NRG3: variants seen among roughly 807,000 people sequenced by gnomAD.
NRG3 encodes pro-neuregulin-3, membrane-bound isoform.
NRG3 carries 31 observed loss-of-function variants against 66.9 expected under a neutral mutation model. That is an observed-to-expected ratio of 0.46 (90% confidence interval 0.35 to 0.63). The LOEUF is 0.63. Ranked by LOEUF, NRG3 falls within the 20% of genes least tolerant of loss-of-function variation. NRG3 has a pLI of 0.00. For missense variants in NRG3, 910 were observed against 878.9 expected, an observed-to-expected ratio of 1.04 and a Z score of -0.45; for synonymous variants, 393 against 359.4, an observed-to-expected ratio of 1.09 and a Z score of -1.06.
intron 2 of NRG3, among the ~76,000 whole-genome samples, chr10:82,521,336 G>T (rs950286408): frequency 6.6e-6 from 1 of 151,968 alleles, no homozygotes; most frequent in Non-Finnish European, 1.5e-5. Flanking sequence ...GAAAGTTGGG[G>T]TGATTACGGA....
At chr10:82,562,226 C>A (rs983134348) in intron 2 of NRG3, among the ~76,000 whole-genome samples, 4 of 152,146 alleles carry the variant, frequency 2.6e-5, no homozygotes, top group Non-Finnish European at 5.9e-5. Context: ...TCTTCGTCTT[C>A]ATCATAGTTT....
intron 4 of NRG3, among the ~76,000 whole-genome samples, chr10:82,888,372 G>A (rs1210125155): frequency 3.3e-5 from 5 of 152,160 alleles, no homozygotes; most frequent in African/African-American, 9.7e-5. Context: ...AGAAAATAAA[G>A]CATTTGTTTT....
intron 1 of NRG3, among the ~76,000 whole-genome samples, chr10:82,099,806 TAAAACAAAAACA>T (rs939268228): frequency 9.9e-5 from 15 of 151,186 alleles, no homozygotes; most frequent in African/African-American, 3.7e-4. Context: ...TACAAAAATG[TAAAACAAAAACA>T]AAAACAAAAA....
intron 3 of NRG3, among the ~76,000 whole-genome samples, chr10:82,789,822 C>T (rs895660701): frequency 6.8e-6 from 1 of 146,582 alleles, no homozygotes; most frequent in African/African-American, 2.5e-5. Context: ...TTTTAATTCC[C>T]TTTTTTTTTT....
chr10:82,793,044 T>C (rs2060654482), intron 3 of NRG3, among the ~76,000 whole-genome samples: 1 of 152,102 alleles, frequency 6.6e-6, no homozygotes, highest in South Asian at 2.1e-4. Flanking sequence ...TCTTTTTTTA[T>C]TTTTAACAAT....
At chr10:82,127,814 G>A (rs563034655) in intron 1 of NRG3, among the ~76,000 whole-genome samples, 1 of 152,018 alleles carries the variant, frequency 6.6e-6, no homozygotes, top group South Asian at 2.1e-4. Context: ...ACATAGTGGG[G>A]CATCCCCACC....
chr10:82,278,432 C>A (rs1453192734), intron 1 of NRG3, among the ~76,000 whole-genome samples: 1 of 151,944 alleles, frequency 6.6e-6, no homozygotes, highest in South Asian at 2.1e-4. Flanking sequence ...ATTAGTGATA[C>A]CTGGTAGCTG....
chr10:82,190,947 G>T (rs1353953881), intron 1 of NRG3, among the ~76,000 whole-genome samples: 2 of 152,102 alleles, frequency 1.3e-5, no homozygotes, highest in Non-Finnish European at 2.9e-5. Context: ...TGTCTTTTCT[G>T]TTGTATGCTT....
intron 1 of NRG3, among the ~76,000 whole-genome samples, chr10:82,356,508 CTG>C (rs1162410045): frequency 6.6e-6 from 1 of 152,186 alleles, no homozygotes; most frequent in Non-Finnish European, 1.5e-5. Flanking sequence ...TTCTGTGTGA[CTG>C]TTTATCACGT....
chr10:82,964,166 G>T (rs1304162818), intron 6 of NRG3, among the ~76,000 whole-genome samples: 4 of 152,136 alleles, frequency 2.6e-5, no homozygotes, highest in Non-Finnish European at 4.4e-5. Flanking sequence ...TTAAGGAACA[G>T]GCATGTGATG....
chr10:82,402,672 C>T (rs2087198557), intron 2 of NRG3, among the ~76,000 whole-genome samples: 1 of 152,124 alleles, frequency 6.6e-6, no homozygotes, highest in Non-Finnish European at 1.5e-5. Context: ...ATAATATCCT[C>T]TTTTACCTAA....
intron 2 of NRG3, among the ~76,000 whole-genome samples, chr10:82,707,489 C>G (rs1565223748): frequency 1.3e-5 from 2 of 151,754 alleles, no homozygotes; most frequent in African/African-American, 2.4e-5. Flanking sequence ...CCTCCTGCCT[C>G]AGGAGGCAAG....
chr10:82,407,777 T>C (rs1471342206), intron 2 of NRG3, among the ~76,000 whole-genome samples: 2 of 151,874 alleles, frequency 1.3e-5, no homozygotes, highest in African/African-American at 4.8e-5. Context: ...CATGTTAAAA[T>C]AGAAAAATAT....
At chr10:82,617,868 G>GTA (rs1470461668) in intron 2 of NRG3, among the ~76,000 whole-genome samples, 1 of 152,156 alleles carries the variant, frequency 6.6e-6, no homozygotes, top group Admixed American at 6.5e-5. Context: ...AATGTGCTGT[G>GTA]AAGATTCCTT....
rs139143020 is a variant in NRG3 at position 82,781,991 on chromosome 10, G to A, written c.1027+43341G>A. 2.0e-5 allele frequency among the ~76,000 whole-genome samples: 3 copies of A among 152,074 alleles called. No homozygotes were observed. The East Asian group carries it at 5.8e-4, about 29-fold the overall frequency. ...CCACTCGTCCAGTGTATCTTTTTGT[G>A]CTCCCAAGAAACCATTGAGAAGCAC... On this transcript the variant is annotated intron_variant, in intron 3 of 8. Coordinates refer to ENST00000372141, the MANE Select transcript of NRG3 (RefSeq NM_001010848.4).
chr10:82,076,909 T>C (rs1484698315), intron 1 of NRG3, among the ~76,000 whole-genome samples: 1 of 152,230 alleles, frequency 6.6e-6, no homozygotes, highest in Non-Finnish European at 1.5e-5. Flanking sequence ...TTGAGTTGCC[T>C]CCAGGATGAC....
chr10:82,643,851 TTC>T (rs1415310720), intron 2 of NRG3, among the ~76,000 whole-genome samples: 1 of 147,040 alleles, frequency 6.8e-6, no homozygotes, highest in Non-Finnish European at 1.5e-5. Flanking sequence ...TCTTTTGAAT[TTC>T]TCTCTCTCTT....
intron 2 of NRG3, among the ~76,000 whole-genome samples, chr10:82,599,808 T>C (rs541028476): frequency 3.3e-5 from 5 of 151,886 alleles, no homozygotes; most frequent in African/African-American, 1.2e-4. Context: ...CAGGGAGAGA[T>C]TGTCTCAAAA....
intron 2 of NRG3, among the ~76,000 whole-genome samples, chr10:82,572,071 A>C (rs946191397): frequency 6.6e-6 from 1 of 151,768 alleles, no homozygotes; most frequent in African/African-American, 2.4e-5. Context: ...ACATTAAACC[A>C]TTTTAATTTC....
Sources: gnomAD v4.1 joint callset for allele counts (sites outside exome capture counted in the v4.1 genomes callset) on GRCh38, gnomAD v4.1.1 for gene constraint, MANE v1.5 for transcripts, NCBI Gene and HGNC (gene_info 2026-07-23, HGNC 2026-07-21) for gene names.